Variants in MAPK10 observed in about 807,000 individuals in gnomAD.
The protein encoded by MAPK10 is JNK3 alpha protein kinase.
Under a neutral mutation model 59.3 loss-of-function variants are expected in MAPK10, and 25 were observed. That is an observed-to-expected ratio of 0.42 (90% CI 0.31 to 0.59). The LOEUF is 0.59. Ranked by LOEUF, MAPK10 falls within the 20% of genes least tolerant of loss-of-function variation. MAPK10 has a pLI of 0.15. For missense variants in MAPK10, 351 were observed against 568.9 expected (o/e 0.62, Z 3.90); for synonymous variants, 190 against 200.5 (o/e 0.95, Z 0.44).
intron 9 of MAPK10, among the ~76,000 whole-genome samples, chr4:86,078,529 T>C (rs1205598276): frequency 6.6e-6 from 1 of 151,896 alleles, no homozygotes; most frequent in Non-Finnish European, 1.5e-5. Context: ...TTATAGTTCT[T>C]TGTGATTAAA....
At chr4:86,440,699 T>C (rs1749314100) in intron 1 of MAPK10, among the ~76,000 whole-genome samples, 1 of 151,934 alleles carries the variant, frequency 6.6e-6, no homozygotes, top group Non-Finnish European at 1.5e-5. Flanking sequence ...AATATGTCCA[T>C]ACAGTGGCAT....
chr4:86,195,740 C>A (rs756016830), intron 2 of MAPK10, among the ~76,000 whole-genome samples: 1 of 152,086 alleles, frequency 6.6e-6, no homozygotes, highest in Non-Finnish European at 1.5e-5. Context: ...CCCTGACAGG[C>A]CCCTGTGTGT....
At chr4:86,573,815 CCTT>C (rs1402358343) in intron 1 of MAPK10, among the ~76,000 whole-genome samples, 1 of 151,856 alleles carries the variant, frequency 6.6e-6, no homozygotes, top group Non-Finnish European at 1.5e-5. Flanking sequence ...TAGATTTATC[CCTT>C]ATTATTCATC....
intron 2 of MAPK10, among the ~76,000 whole-genome samples, chr4:86,237,411 G>A (rs981684268): frequency 6.6e-6 from 1 of 152,118 alleles, no homozygotes; most frequent in Non-Finnish European, 1.5e-5. Context: ...TCTGGTTCTA[G>A]ATCCTTGAAG....
chr4:86,181,670 AT>A (rs941911599), intron 3 of MAPK10, among the ~76,000 whole-genome samples: 1 of 152,046 alleles, frequency 6.6e-6, no homozygotes, highest in African/African-American at 2.4e-5. Flanking sequence ...TTCATTGAAT[AT>A]TTTCTGTAGT....
intron 2 of MAPK10, among the ~76,000 whole-genome samples, chr4:86,343,016 A>G (rs899285669): frequency 1.3e-5 from 2 of 152,018 alleles, no homozygotes; most frequent in Admixed American, 6.6e-5. Flanking sequence ...GCCCCAATCT[A>G]TTTTCCTAGC....
intron 9 of MAPK10, among the ~76,000 whole-genome samples, chr4:86,078,743 A>C (rs1298589528): frequency 6.6e-6 from 1 of 152,208 alleles, no homozygotes; most frequent in East Asian, 1.9e-4. Flanking sequence ...TAATCCTAGC[A>C]CTTTGGGAGG....
chr4:86,221,081 G>A (rs1167795531), intron 2 of MAPK10, among the ~76,000 whole-genome samples: 7 of 152,286 alleles, frequency 4.6e-5, no homozygotes, highest in East Asian at 1.9e-4. Context: ...AATAGAAGGC[G>A]GCTGGGAAGT....
At chr4:86,151,668 T>G (rs1280471773) in intron 4 of MAPK10, among the ~76,000 whole-genome samples, 1 of 152,070 alleles carries the variant, frequency 6.6e-6, no homozygotes, top group Non-Finnish European at 1.5e-5. Context: ...TGTGACAGGT[T>G]CAGAGAACAG....
chr4:86,176,195 G>T (rs116556822), intron 3 of MAPK10: 12 of 152,040 alleles, frequency 7.9e-5, no homozygotes, highest in Non-Finnish European at 1.3e-4. Flanking sequence ...AAGGATAATA[G>T]AATTAAAATA....
chr4:86,359,282 CTCTCTCTG>C (rs1361980109), intron 1 of MAPK10, among the ~76,000 whole-genome samples: 3 of 137,022 alleles, frequency 2.2e-5, no homozygotes, highest in African/African-American at 5.8e-5. Context: ...CTCTCTCTCT[CTCTCTCTG>C]TGTGTGTGTG....
At chr4:86,373,382 T>G (rs1052171383) in intron 1 of MAPK10, among the ~76,000 whole-genome samples, 2 of 151,904 alleles carry the variant, frequency 1.3e-5, no homozygotes, top group African/African-American at 2.4e-5. Flanking sequence ...CCAAAAGCAA[T>G]AGCAACAAAA....
intron 2 of MAPK10, among the ~76,000 whole-genome samples, chr4:86,221,478 TG>T (rs1053605855): frequency 1.3e-5 from 2 of 148,572 alleles, no homozygotes; most frequent in Admixed American, 6.6e-5. Flanking sequence ...AGTATATTTT[TG>T]GTTTTTTTTT....
intron 2 of MAPK10, among the ~76,000 whole-genome samples, chr4:86,336,008 A>C (rs1721093105): frequency 6.6e-6 from 1 of 152,184 alleles, no homozygotes. Context: ...TTATTCATAT[A>C]ATGTCAGAGA....
chr4:86,532,274 C>T (rs567099234), intron 1 of MAPK10, among the ~76,000 whole-genome samples: 1 of 152,032 alleles, frequency 6.6e-6, no homozygotes, highest in Non-Finnish European at 1.5e-5. Flanking sequence ...AGTTTATATT[C>T]TCCTAGGAGA....
intron 11 of MAPK10, among the ~76,000 whole-genome samples, chr4:86,041,942 T>C (rs1043118114): frequency 3.3e-5 from 5 of 152,228 alleles, no homozygotes; most frequent in African/African-American, 1.2e-4. Flanking sequence ...GAAATACCAT[T>C]TGACCCGGCA....
At chr4:86,134,679 G>C (rs557147380) in intron 4 of MAPK10, among the ~76,000 whole-genome samples, 1 of 152,236 alleles carries the variant, frequency 6.6e-6, no homozygotes, top group Non-Finnish European at 1.5e-5. Context: ...TTGGGGGGAG[G>C]AGCCAAGATG....
intron 1 of MAPK10, among the ~76,000 whole-genome samples, chr4:86,480,232 C>T (rs896875632): frequency 5.3e-5 from 8 of 152,222 alleles, no homozygotes; most frequent in Admixed American, 4.6e-4. Flanking sequence ...ATGGCCGGTC[C>T]TTGCCTTAAC....
chr4:86,254,748 T>C (rs2093627113), intron 2 of MAPK10, among the ~76,000 whole-genome samples: 1 of 149,966 alleles, frequency 6.7e-6, no homozygotes, highest in African/African-American at 2.5e-5. Context: ...TTCTGTCTCG[T>C]TGATCTGTCT....
Sources: gnomAD v4.1 joint callset for allele counts (sites outside exome capture counted in the v4.1 genomes callset) on GRCh38, gnomAD v4.1.1 for gene constraint, MANE v1.5 for transcripts, NCBI Gene and HGNC (gene_info 2026-07-23, HGNC 2026-07-21) for gene names.